Variants in FREM2 observed in about 807,000 individuals in gnomAD.
FREM2 encodes the protein FRAS1 related extracellular matrix 2.
In FREM2, 119 loss-of-function variants were observed where a neutral mutation model predicts 219.9. The observed-to-expected ratio is 0.54, with a 90% CI of 0.47 to 0.63. FREM2 has a LOEUF of 0.63. FREM2 is among the 30% of genes least tolerant of loss of function. The probability of loss-of-function intolerance (pLI) is 0.00; values close to 1 mark genes in which losing one functional copy is unlikely to be tolerated. For synonymous variants in FREM2, 1,562 were observed against 1,522.8 expected, an observed-to-expected ratio of 1.03 and a Z score of -0.60; for missense variants, 4,030 against 3,993.6, an observed-to-expected ratio of 1.01 and a Z score of -0.25.
At chr13:38,862,316 T>C (rs897185135) in intron 15 of FREM2, among the ~76,000 whole-genome samples, 4 of 152,168 alleles carry the variant, frequency 2.6e-5, no homozygotes, top group Non-Finnish European at 5.9e-5. Context: ...TTTCTGGGGA[T>C]TGGAAGGGCA....
intron 6 of FREM2, among the ~76,000 whole-genome samples, chr13:38,801,162 G>A (rs1874993052): frequency 6.6e-6 from 1 of 152,166 alleles, no homozygotes; most frequent in Non-Finnish European, 1.5e-5. Context: ...TTCATTCAGT[G>A]AATTCCTCAG....
At chr13:38,755,335 C>T (rs1872954366) in intron 2 of FREM2, among the ~76,000 whole-genome samples, 1 of 152,168 alleles carries the variant, frequency 6.6e-6, no homozygotes. Context: ...AGGAGGAACC[C>T]TCCCTGTGGC....
intron 4 of FREM2, among the ~76,000 whole-genome samples, chr13:38,773,927 C>T (rs545556130): frequency 6.6e-6 from 1 of 151,478 alleles, no homozygotes; most frequent in East Asian, 1.9e-4. Flanking sequence ...TTACTTTCCC[C>T]AAGTCACCCA....
intron 16 of FREM2, among the ~76,000 whole-genome samples, chr13:38,870,985 G>A (rs1878137979): frequency 6.6e-6 from 1 of 151,998 alleles, no homozygotes; most frequent in South Asian, 2.1e-4. Flanking sequence ...TTAATCTTAA[G>A]GACTAGTGGC....
intron 6 of FREM2, among the ~76,000 whole-genome samples, chr13:38,822,595 G>A (rs1876110802): frequency 6.6e-6 from 1 of 151,884 alleles, no homozygotes; most frequent in African/African-American, 2.4e-5. Context: ...CGCTAAATAG[G>A]GGGTTGAAAA....
intron 2 of FREM2, 108 bp downstream of exon 2, chr13:38,697,895 A>T (rs1354787968): frequency 1.6e-5 from 12 of 735,058 alleles, no homozygotes; most frequent in Non-Finnish European, 3.0e-5. Context: ...TTTCATGATC[A>T]CCTAAATTTA....
intron 2 of FREM2, among the ~76,000 whole-genome samples, chr13:38,711,605 G>C (rs775888501): frequency 6.6e-6 from 1 of 152,038 alleles, no homozygotes; most frequent in Non-Finnish European, 1.5e-5. Flanking sequence ...TTCAAGGAAT[G>C]GATTGTTTTT....
intron 6 of FREM2, among the ~76,000 whole-genome samples, chr13:38,838,367 A>G (rs1354653927): frequency 1.3e-5 from 2 of 152,140 alleles, no homozygotes; most frequent in Admixed American, 6.6e-5. Flanking sequence ...GGGTAACCCA[A>G]CTTTTCTCTC....
intron 6 of FREM2, among the ~76,000 whole-genome samples, chr13:38,841,201 A>G (rs942928329): frequency 3.3e-5 from 5 of 152,214 alleles, no homozygotes; most frequent in African/African-American, 1.2e-4. Flanking sequence ...AACAACTACT[A>G]TGGTATCTAG....
At position 38,886,949 on chromosome 13, in the gene FREM2, C is replaced by G. The variant is rs746931757; in HGVS notation, c.*6162C>G. ...GTTTTATCATACATTTACTAAGTTA[C>G]TACATATTGGTGGATATTGACGTTT... On this transcript the variant is annotated 3_prime_UTR_variant, in exon 24 of 24. Transcript: ENST00000280481. The G allele has an allele frequency of 1.3e-5, 2 of 152,238 alleles. No homozygotes were observed. The highest frequency in any genetic ancestry group is 2.1e-4 in the South Asian group (1 of 4,828). The allele number at this position is 152,238 out of a possible 1,614,324, so 9.4% of individuals were successfully genotyped here. A position where few individuals can be genotyped will look rare whatever the true frequency, so the allele number is the denominator to read the frequency against.
At chr13:38,806,119 G>C (rs1193446466) in intron 6 of FREM2, among the ~76,000 whole-genome samples, 1 of 151,688 alleles carries the variant, frequency 6.6e-6, no homozygotes, top group African/African-American at 2.4e-5. Context: ...GTGAGGGTGA[G>C]TGAGTCATTC....
At chr13:38,731,794 A>G (rs958149950) in intron 2 of FREM2, among the ~76,000 whole-genome samples, 20 of 152,220 alleles carry the variant, frequency 1.3e-4, no homozygotes, top group African/African-American at 4.3e-4. Flanking sequence ...TGCCCCAAGT[A>G]GAATGATTTA....
intron 6 of FREM2, among the ~76,000 whole-genome samples, chr13:38,838,023 G>A (rs1876790102): frequency 6.6e-6 from 1 of 151,918 alleles, no homozygotes; most frequent in Non-Finnish European, 1.5e-5. Flanking sequence ...TGGTTATTTT[G>A]CCTATTAGTT....
At chr13:38,770,771 C>T (rs1873629926) in intron 4 of FREM2, among the ~76,000 whole-genome samples, 2 of 148,716 alleles carry the variant, frequency 1.3e-5, no homozygotes, top group South Asian at 4.2e-4. Flanking sequence ...TAAAAGTGAA[C>T]CTTAATGCTT....
chr13:38,847,461 CAGT>C (rs955430313), intron 7 of FREM2, among the ~76,000 whole-genome samples: 2 of 152,028 alleles, frequency 1.3e-5, no homozygotes, highest in African/African-American at 4.8e-5. Flanking sequence ...GTAGTGGAAG[CAGT>C]ATAGTGCTTT....
intron 2 of FREM2, among the ~76,000 whole-genome samples, chr13:38,705,498 A>G (rs1870502093): frequency 6.6e-6 from 1 of 152,194 alleles, no homozygotes; most frequent in African/African-American, 2.4e-5. Context: ...CATCACAGTT[A>G]GAAGCGCAGC....
At chr13:38,813,013 A>G (rs767967038) in intron 6 of FREM2, among the ~76,000 whole-genome samples, 36 of 150,324 alleles carry the variant, frequency 2.4e-4, no homozygotes, top group South Asian at 1.3e-3. Flanking sequence ...TTCTTACTGT[A>G]GTGTCTATGT....
Position 38,690,791 on chromosome 13 carries a change from C to T in FREM2, c.3447C>T (p.Val1149=). ...KDLRQGHINY[V]QSVHKGVEPV... is the part of the protein sequence containing the mutation. Reference sequence around the variant, plus strand: ...TCAGGCAGGGCCACATAAACTATGTCCAGAGTGTCCATAAAGGGGTGGAAC... The same window carrying T: ...TCAGGCAGGGCCACATAAACTATGTTCAGAGTGTCCATAAAGGGGTGGAAC... The change falls in exon 1 of 24, where the codon GTC becomes GTT. Residue 1149 remains valine, a synonymous_variant. Coordinates refer to ENST00000280481, the MANE Select transcript of FREM2 (RefSeq NM_207361.6). The T allele has an allele frequency of 1.2e-6, 2 of 1,614,072 alleles. No homozygotes were observed. The highest frequency in any genetic ancestry group is 1.7e-6 in the Non-Finnish European group (2 of 1,180,002).
chr13:38,728,572 AT>A (rs960884251), intron 2 of FREM2, among the ~76,000 whole-genome samples: 129 of 149,638 alleles, frequency 8.6e-4, no homozygotes, highest in East Asian at 3.0e-3. Context: ...TGCCCAGCTA[AT>A]TTTTTTTTTC....
Sources: allele counts gnomAD v4.1 joint callset (sites outside exome capture counted in the v4.1 genomes callset), GRCh38; gene constraint gnomAD v4.1.1; transcripts MANE v1.5; gene names NCBI Gene and HGNC (gene_info 2026-07-23, HGNC 2026-07-21).